The following SORL1 variants were observed in gnomAD, a reference collection of about 807,000 sequenced individuals.
The protein encoded by SORL1 is sortilin-related receptor.
SORL1 carries 127 observed loss-of-function variants against 273.7 expected under a neutral mutation model. The ratio of observed to expected loss-of-function variants is 0.46; its 90% CI spans 0.40 to 0.54. The LOEUF (loss-of-function observed/expected upper bound fraction) is 0.54, where lower values mean the gene tolerates loss of function less well. Ranked by LOEUF, SORL1 falls within the 20% of genes least tolerant of loss-of-function variation. The pLI, the probability that SORL1 is intolerant of heterozygous loss-of-function variation, is 0.00. For synonymous variants in SORL1, 1,031 were observed against 1,067.4 expected, an observed-to-expected ratio of 0.97 and a Z score of 0.66; for missense variants, 2,494 against 2,846.1, an observed-to-expected ratio of 0.88 and a Z score of 2.81.
In SORL1 at chr11:121,614,790, T is replaced by A. The variant is rs12273171; in HGVS notation, c.5420-81T>A. 7.9e-3 allele frequency: 8,753 copies of A among 1,114,538 alleles called. 456 individuals carry two copies. In the African/African-American group the frequency reaches 0.11, roughly 14 times the overall value. The allele number at this position is 1,114,538 out of a possible 1,614,324, so 69.0% of individuals were successfully genotyped here. ...AAGTCAAGAGATTACTATTTTTTTT[T>A]AAAAAAGTGCATGTACCAAGACACG... is the stretch of plus-strand genomic sequence containing the variant. On this transcript the variant is annotated intron_variant, in intron 40 of 47. Transcript: ENST00000260197.
chr11:121,532,344 A>G (rs1315842406), intron 11 of SORL1, 120 bp from the exon 12 acceptor site: 1 of 803,000 alleles, frequency 1.2e-6, no homozygotes, highest in Non-Finnish European at 2.0e-6. Flanking sequence ...ATTGTTTTCA[A>G]GTGGTTGTCA....
At chr11:121,471,166 C>T (rs79209965) in intron 2 of SORL1, among the ~76,000 whole-genome samples, 3,546 of 152,168 alleles carry the variant, frequency 0.023, 291 homozygotes, top group East Asian at 0.18. Context: ...GTTGGAGAGA[C>T]GTGGGGAAGG....
In SORL1 at chr11:121,488,192, A is replaced by G; in HGVS notation, c.689A>G (p.Gln230Arg). ...LGFDRSHPNK[Q>R]LWKSDDFGQT... ...TTTGACAGGTCCCACCCCAACAAGC[A>G]GGTAAGAGGGCTTTCAGAACCCAGT... Residue 230 changes from glutamine (Q) to arginine (R), a missense_variant and splice_region_variant, in exon 4 of 48, where the codon CAG (glutamine) becomes CGG (arginine). By Grantham distance (43) the Gln-to-Arg change is conservative. Coordinates refer to ENST00000260197, the MANE Select transcript of SORL1 (RefSeq NM_003105.6). The G allele has an allele frequency of 1.2e-6, 2 of 1,613,734 alleles. No individual in the cohort carries two copies. The highest frequency in any genetic ancestry group is 1.3e-5 in the African/African-American group (1 of 75,004).
At chr11:121,519,504 C>T (rs541800349) in intron 8 of SORL1, among the ~76,000 whole-genome samples, 16 of 152,130 alleles carry the variant, frequency 1.1e-4, no homozygotes, top group African/African-American at 2.7e-4. Flanking sequence ...CTCCGCGTCC[C>T]GGGTTCATGC....
At chr11:121,480,888 G>A (rs7939572) in intron 3 of SORL1, among the ~76,000 whole-genome samples, 7 of 103,084 alleles carry the variant, frequency 6.8e-5, no homozygotes, top group Non-Finnish European at 1.2e-4. Flanking sequence ...AGCTTCTTCC[G>A]TAGTGCACAG....
intron 14 of SORL1, among the ~76,000 whole-genome samples, chr11:121,549,029 A>C (rs1445007247): frequency 6.6e-6 from 1 of 152,162 alleles, no homozygotes; most frequent in Non-Finnish European, 1.5e-5. Context: ...TAGTACAGTC[A>C]CCTCGTTTTA....
chr11:121,572,064 A>G (rs1221739674), intron 23 of SORL1, among the ~76,000 whole-genome samples: 3 of 152,232 alleles, frequency 2.0e-5, no homozygotes, highest in African/African-American at 7.2e-5. Flanking sequence ...AACAAGTTAC[A>G]AGGAAATTGC....
chr11:121,589,687 T>G (rs1416978088), intron 29 of SORL1, among the ~76,000 whole-genome samples: 1 of 152,168 alleles, frequency 6.6e-6, no homozygotes, highest in Non-Finnish European at 1.5e-5. Flanking sequence ...TGGAGTGACC[T>G]CCCCCTAAAA....
At chr11:121,575,563 AG>A (rs1454591751) in intron 24 of SORL1, among the ~76,000 whole-genome samples, 2 of 152,258 alleles carry the variant, frequency 1.3e-5, no homozygotes, top group African/African-American at 4.8e-5. Flanking sequence ...AAGGGGAGCA[AG>A]GGCAGCTTGT....
Position 121,627,231 on chromosome 11 carries a change from T to A in SORL1, c.6365-324T>A, listed in dbSNP as rs1315244503. ...TGTAAGGCAAGCAAGTGGTCTTAAG[T>A]AATAATGCTAATGAAATCAATGTTG... On this transcript the variant is annotated intron_variant, in intron 46 of 47. Transcript: ENST00000260197. This position sits in a 1 kb window ranked among gnomAD's most constrained non-coding sequence, Gnocchi z 4.9. The A allele has an allele frequency of 2.0e-5, 6 of 303,340 alleles. No individual in the cohort carries two copies. Among genetic ancestry groups the A allele is most frequent in the Non-Finnish European group, 6.2e-6 (1 of 160,168 alleles). 18.8% of individuals were successfully genotyped at this position (303,340 alleles called of 1,614,324 possible). A position where few individuals can be genotyped will look rare whatever the true frequency, so the allele number is the denominator to read the frequency against.
In SORL1 at chr11:121,513,074, A is replaced by T; in HGVS notation, c.1011A>T (p.Ala337=). Residue 337 remains alanine (A), a synonymous_variant, in exon 7 of 48, where the codon GCA becomes GCT. Transcript: ENST00000260197. ...CCTTTGGCCGGAAGCCCATGAGAGC[A>T]GCCCAGTTTGTCACAAGACATCCTA... The part of the protein sequence containing the change: ...WVSFGRKPMR[A]AQFVTRHPIN... 5.0e-6 allele frequency: 8 copies of T among 1,614,002 alleles called. No homozygotes were observed. Among genetic ancestry groups the T allele is most frequent in the Non-Finnish European group, 6.8e-6 (8 of 1,179,822 alleles).
intron 16 of SORL1, among the ~76,000 whole-genome samples, chr11:121,552,763 T>C (rs550120870): frequency 6.6e-6 from 1 of 152,178 alleles, no homozygotes; most frequent in Non-Finnish European, 1.5e-5. Flanking sequence ...AGAAGGTGAG[T>C]GGTACATGTT....
chr11:121,613,422 A>G (rs1863595875), intron 40 of SORL1, among the ~76,000 whole-genome samples: 1 of 152,190 alleles, frequency 6.6e-6, no homozygotes, highest in Non-Finnish European at 1.5e-5. Context: ...AACTGTTGAG[A>G]ATGACTTGGG....
chr11:121,548,373 A>C (rs556684795), intron 14 of SORL1, among the ~76,000 whole-genome samples: 1 of 152,342 alleles, frequency 6.6e-6, no homozygotes, highest in Admixed American at 6.5e-5. Context: ...AAAGATTTAA[A>C]GTGGCCGTTC....
At chr11:121,622,927 A>C (rs1392090039) in intron 45 of SORL1, among the ~76,000 whole-genome samples, 1 of 152,248 alleles carries the variant, frequency 6.6e-6, no homozygotes, top group Non-Finnish European at 1.5e-5. Context: ...GAATGTGATG[A>C]ATCAACTATG....
intron 23 of SORL1, among the ~76,000 whole-genome samples, chr11:121,572,135 G>C (rs1157381571): frequency 2.0e-5 from 3 of 152,216 alleles, no homozygotes; most frequent in African/African-American, 7.2e-5. Flanking sequence ...TCATATCCAA[G>C]AGTGAGGGAC....
intron 1 of SORL1, among the ~76,000 whole-genome samples, chr11:121,464,809 G>A (rs759513573): frequency 4.6e-5 from 7 of 152,160 alleles, no homozygotes; most frequent in Non-Finnish European, 8.8e-5. Context: ...TGCAGATGCC[G>A]CTGACAGCAC....
chr11:121,533,096 A>T (rs925794064), intron 12 of SORL1, among the ~76,000 whole-genome samples: 1 of 152,194 alleles, frequency 6.6e-6, no homozygotes, highest in African/African-American at 2.4e-5. Flanking sequence ...AATTAAGTGG[A>T]GGCTCTTTAA....
At chr11:121,566,095 T>C (rs976802734) in intron 21 of SORL1, among the ~76,000 whole-genome samples, 1 of 152,108 alleles carries the variant, frequency 6.6e-6, no homozygotes, top group Admixed American at 6.5e-5. Context: ...ATTAAGGCCT[T>C]TGGGGCCCTA....
Sources: gnomAD v4.1 joint callset for allele counts (sites outside exome capture counted in the v4.1 genomes callset) on GRCh38, gnomAD v4.1.1 for gene constraint, Gnocchi (gnomAD v3.1) non-coding constraint, MANE v1.5 for transcripts, NCBI Gene and HGNC (gene_info 2026-07-23, HGNC 2026-07-21) for gene names.